The following GRHL3 variants were observed in gnomAD, a reference collection of about 807,000 sequenced individuals.
GRHL3 encodes the protein grainyhead-like protein 3 homolog.
In GRHL3, 20 loss-of-function variants were observed where a neutral mutation model predicts 70.3. The ratio of observed to expected loss-of-function variants is 0.28; its 90% CI spans 0.20 to 0.41. GRHL3 has a LOEUF of 0.41. Ranked by LOEUF, GRHL3 falls within the 10% of genes least tolerant of loss-of-function variation. The pLI is 1.00. For missense variants in GRHL3, 637 were observed against 762.3 expected, an observed-to-expected ratio of 0.84 and a Z score of 1.94; for synonymous variants, 299 against 299.9, an observed-to-expected ratio of 1.00 and a Z score of 0.03.
At chr1:24,360,817 TG>T in intron 15 of GRHL3, 1 of 1,552,790 alleles carries the variant, frequency 6.4e-7, no homozygotes, top group Non-Finnish European at 8.7e-7. Flanking sequence ...CCAGAAGATT[TG>T]GTTTTTACAA....
At chr1:24,335,645 C>T (rs556696068) in intron 3 of GRHL3, among the ~76,000 whole-genome samples, 54 of 150,812 alleles carry the variant, frequency 3.6e-4, no homozygotes, top group African/African-American at 1.1e-3. Context: ...TGCAGTGGCG[C>T]GGTCTTGGCT....
At chr1:24,359,290 G>A (rs577381671), downstream of GRHL3, among the ~76,000 whole-genome samples, 71 of 152,342 alleles carry the variant, frequency 4.7e-4, no homozygotes, top group African/African-American at 1.7e-3. The surrounding 1 kb of genome is among the most constrained non-coding windows in gnomAD (Gnocchi z 5.3). Flanking sequence ...TGTGCCAGGT[G>A]CCTAGCACCA....
At chr1:24,347,580 C>G (rs754318016) in intron 14 of GRHL3, 27 bp downstream of exon 14, 9 of 1,530,460 alleles carry the variant, frequency 5.9e-6, no homozygotes, top group South Asian at 3.4e-5. Context: ...CCCCGCCCCC[C>G]ATGGCAGACC....
chr1:24,350,993 A>C (rs1569923882), intron 15 of GRHL3, among the ~76,000 whole-genome samples: 3 of 152,160 alleles, frequency 2.0e-5, no homozygotes, highest in Non-Finnish European at 4.4e-5. Flanking sequence ...AGGTGACTTC[A>C]CCAGCCTGGC....
downstream of GRHL3, among the ~76,000 whole-genome samples, chr1:24,356,682 T>C (rs79885487): frequency 0.034 from 5,198 of 152,312 alleles, 230 homozygotes; most frequent in African/African-American, 0.1. Flanking sequence ...TTTGTAATTA[T>C]CATCTTCAGA....
intron 12 of GRHL3, among the ~76,000 whole-genome samples, chr1:24,345,517 C>T (rs1461522420): frequency 2.6e-5 from 4 of 151,692 alleles, no homozygotes; most frequent in Non-Finnish European, 4.4e-5. Flanking sequence ...GAAAAGTCGG[C>T]GAATCTCTGG....
At chr1:24,324,574 C>A (rs139636441) in intron 1 of GRHL3, among the ~76,000 whole-genome samples, 1 of 152,238 alleles carries the variant, frequency 6.6e-6, no homozygotes, top group Non-Finnish European at 1.5e-5. Flanking sequence ...AGTAATACTT[C>A]ACAAAGTTGT....
rs188361855 is a variant in GRHL3 at position 24,332,244 on chromosome 1, C to T, written c.204+632C>T. Among the ~76,000 whole-genome samples, 4 of 152,328 alleles carry T rather than the reference C, an allele frequency of 2.6e-5. No homozygotes were observed. In the East Asian group the frequency reaches 5.8e-4, roughly 22 times the overall value. Reference sequence around the variant, plus strand: ...CCCAAGGCCCACCTTCTCTTAGAAGCCATCTGCCACCTCATCTCCCTCTCC... The same window carrying T: ...CCCAAGGCCCACCTTCTCTTAGAAGTCATCTGCCACCTCATCTCCCTCTCC... On this transcript the variant is annotated intron_variant, in intron 2 of 15. Transcript: ENST00000361548.
At chr1:24,356,301 G>A (rs1219004865), downstream of GRHL3, among the ~76,000 whole-genome samples, 1 of 151,448 alleles carries the variant, frequency 6.6e-6, no homozygotes, top group Non-Finnish European at 1.5e-5. Context: ...GGAGTGGAGT[G>A]GCACGATCTC....
chr1:24,320,004 T>C (rs1351219475), intron 1 of GRHL3: 1 of 239,166 alleles, frequency 4.2e-6, no homozygotes, highest in Non-Finnish European at 8.4e-6. Context: ...GTTTGCTGGG[T>C]TGGAACAGTC....
chr1:24,328,797 T>G (rs1639487504), intron 1 of GRHL3, among the ~76,000 whole-genome samples: 2 of 152,244 alleles, frequency 1.3e-5, no homozygotes. Context: ...CATTTTCTTG[T>G]GCTGATGCGT....
intron 1 of GRHL3, among the ~76,000 whole-genome samples, chr1:24,320,989 A>G (rs1639160231): frequency 6.6e-6 from 1 of 152,228 alleles, no homozygotes; most frequent in Admixed American, 6.5e-5. Context: ...TGGAGAACAC[A>G]CCAGTAACAC....
rs189382848 is a variant in GRHL3, at chr1:24,346,652, G to A, written c.1543+11G>A. On this transcript the variant is annotated intron_variant, in intron 13 of 15. Transcript: ENST00000361548. ...GCGACCTTCAGAGAGGTGACCTCCC[G>A]CCCTCCTCATTTACTCACCAGGCCC... 409 of 1,601,884 alleles carry A rather than the reference G, an allele frequency of 2.6e-4. No homozygotes were observed. Among genetic ancestry groups the A allele is most frequent in the Non-Finnish European group, 3.2e-4 (374 of 1,170,790 alleles).
intron 1 of GRHL3, among the ~76,000 whole-genome samples, chr1:24,320,241 CT>C (rs1319493726): frequency 7.2e-5 from 11 of 152,230 alleles, no homozygotes; most frequent in South Asian, 2.1e-4. Context: ...AAGCTATGGT[CT>C]GAAGATGCGT....
At position 24,337,038 on chromosome 1, in the gene GRHL3, A is replaced by G. The variant is rs571911318; in HGVS notation, c.613-40A>G. On this transcript the variant is annotated intron_variant, in intron 4 of 15. Coordinates refer to ENST00000361548, the MANE Select transcript of GRHL3 (RefSeq NM_198173.3). Reference sequence around the variant, plus strand: ...CCTGGGCTGAGGCTTCCCAGAGTGAATGTGAGCATTTATTCTCTTGGGGCT... The same window carrying G: ...CCTGGGCTGAGGCTTCCCAGAGTGAGTGTGAGCATTTATTCTCTTGGGGCT... 6.9e-6 allele frequency: 11 copies of G among 1,588,894 alleles called. No individual in the cohort carries two copies. In the East Asian group the frequency reaches 2.2e-4, roughly 32 times the overall value.
intron 15 of GRHL3, among the ~76,000 whole-genome samples, 185 bp downstream of exon 15, chr1:24,350,307 G>A (rs1400076008): frequency 2.0e-5 from 3 of 152,228 alleles, no homozygotes; most frequent in Non-Finnish European, 4.4e-5. Flanking sequence ...AAGGATGGGA[G>A]TGGGAGACAA....
chr1:24,340,181 G>C (rs1004885826), intron 8 of GRHL3, among the ~76,000 whole-genome samples: 32 of 152,162 alleles, frequency 2.1e-4, no homozygotes, highest in Non-Finnish European at 7.4e-5. Flanking sequence ...CTTTTGCATG[G>C]TCACACAGCA....
Position 24,342,731 on chromosome 1 carries a change from A to G in GRHL3, c.1244A>G (p.Gln415Arg), listed in dbSNP as rs1264416558. Residue 415 changes from glutamine (Q) to arginine (R), a missense_variant, in exon 10 of 16, where the codon CAG becomes CGG. Around this residue, in one of 2 missense-constraint regions of GRHL3, gnomAD observed 387 missense variants for 513.8 expected, o/e 0.75. Transcript: ENST00000361548. The surrounding 1 kb of genome is among the most constrained non-coding windows in gnomAD (Gnocchi z 4.8). The part of the protein sequence containing the change: ...ERKMRDDERK[Q>R]FRRKVKCPDS... ...AAGATGCGCGATGACGAGCGGAAGC[A>G]GTTCCGGAGGAAGGTCAAGTGCCCT... 1 of 1,614,104 alleles carries G rather than the reference A, an allele frequency of 6.2e-7. No individual in the cohort carries two copies. The highest frequency in any genetic ancestry group is 1.3e-5 in the African/African-American group (1 of 74,936).
At chr1:24,354,146 A>G (rs1293940769) in intron 15 of GRHL3, among the ~76,000 whole-genome samples, 2 of 152,192 alleles carry the variant, frequency 1.3e-5, no homozygotes, top group Non-Finnish European at 2.9e-5. Flanking sequence ...TGTGGGGGCC[A>G]GCAGGCCTGG....
Sources: allele counts gnomAD v4.1 joint callset (sites outside exome capture counted in the v4.1 genomes callset), GRCh38; gene constraint gnomAD v4.1.1; regional missense constraint gnomAD v4.1.1; non-coding constraint Gnocchi (gnomAD v3.1); transcripts MANE v1.5; gene names NCBI Gene and HGNC (gene_info 2026-07-23, HGNC 2026-07-21).